The following TENT4B variants were observed in gnomAD, a reference collection of about 807,000 sequenced individuals.
TENT4B encodes the protein PAP associated domain containing 5.
TENT4B carries 10 observed loss-of-function variants against 75.0 expected under a neutral mutation model. The observed-to-expected ratio is 0.13, with a 90% CI of 0.08 to 0.23. The LOEUF (loss-of-function observed/expected upper bound fraction) is 0.23, where lower values mean the gene tolerates loss of function less well. Among genes scored for constraint, TENT4B ranks in the 10% least tolerant of loss-of-function variants. The pLI, the probability that TENT4B is intolerant of heterozygous loss-of-function variation, is 1.00. For missense variants in TENT4B, 579 were observed against 893.8 expected (o/e 0.65, Z 4.49); for synonymous variants, 350 against 357.7 (o/e 0.98, Z 0.24).
intron 10 of TENT4B, 38 bp from the exon 11 acceptor site, chr16:50,227,801 C>G (rs1418210383): frequency 6.3e-7 from 1 of 1,599,860 alleles, no homozygotes; most frequent in South Asian, 1.1e-5. Flanking sequence ...ATCTAAATTA[C>G]TAATATGTCA....
rs111797270 is a variant in TENT4B at position 50,153,985 on chromosome 16, G to A, written c.364G>A (p.Ala122Thr). The A allele has an allele frequency of 0.045, 68,840 of 1,533,888 alleles. 1,781 individuals are homozygous for A. Among genetic ancestry groups the A allele is most frequent in the Non-Finnish European group, 0.053 (60,463 of 1,146,024 alleles). The change falls in exon 1 of 12, where the codon GCC becomes ACC. Residue 122 changes from alanine (A) to threonine (T), a missense_variant. Transcript: ENST00000561678. The part of the protein sequence containing the change: ...NNNHHQPGAW[A>T]RRAGSSASSP... ...CAACCACCACCAGCCCGGGGCCTGG[G>A]CCCGCCGGGCGGGCTCCTCGGCGTC...
intron 1 of TENT4B, among the ~76,000 whole-genome samples, chr16:50,205,689 C>T (rs1358407228): frequency 1.4e-5 from 2 of 144,522 alleles, no homozygotes; most frequent in African/African-American, 2.6e-5. Flanking sequence ...CTCCTGGGTT[C>T]AAGTGATTCT....
At chr16:50,228,231 G>T (rs1057029689) in intron 11 of TENT4B, among the ~76,000 whole-genome samples, 2 of 152,142 alleles carry the variant, frequency 1.3e-5, no homozygotes, top group African/African-American at 4.8e-5. Context: ...TCTATTGACT[G>T]GTCCTTATAA....
At chr16:50,205,471 A>G (rs1375790700) in intron 1 of TENT4B, among the ~76,000 whole-genome samples, 6 of 150,162 alleles carry the variant, frequency 4.0e-5, no homozygotes, top group Non-Finnish European at 7.4e-5. Flanking sequence ...CTAAGGTAAT[A>G]TCTGTTAACA....
intron 1 of TENT4B, among the ~76,000 whole-genome samples, chr16:50,201,813 A>C (rs11642755): frequency 0.74 from 110,574 of 148,708 alleles, 41,789 homozygotes; most frequent in Non-Finnish European, 0.8. Context: ...GCCTGGGTGA[A>C]AGAGGGATAC....
At position 50,231,319 on chromosome 16, in the gene TENT4B, A is replaced by G. The variant is rs530379235; in HGVS notation, c.*1991A>G. ...ATCACAGTATTTATTTTCTAGGACA[A>G]TTGTGAATGTGTAGACTTATGTTTA... On this transcript the variant is annotated 3_prime_UTR_variant, in exon 12 of 12. Coordinates refer to ENST00000561678, the MANE Select transcript of TENT4B (RefSeq NM_001365324.3). 490 of 983,238 alleles carry G rather than the reference A, an allele frequency of 5.0e-4. 1 individual carries two copies. The highest frequency in any genetic ancestry group is 2.4e-3 in the Admixed American group (39 of 16,278). 60.9% of individuals were successfully genotyped at this position (983,238 alleles called of 1,614,324 possible). A position where few individuals can be genotyped will look rare whatever the true frequency, so the allele number is the denominator to read the frequency against.
intron 1 of TENT4B, among the ~76,000 whole-genome samples, chr16:50,203,702 C>T (rs17286761): frequency 0.035 from 5,348 of 152,170 alleles, 118 homozygotes; most frequent in Middle Eastern, 0.044. Context: ...GATTCTGGTT[C>T]GGAGCTCATT....
intron 11 of TENT4B, among the ~76,000 whole-genome samples, chr16:50,228,918 G>T (rs754594748): frequency 6.6e-6 from 1 of 152,160 alleles, no homozygotes; most frequent in Non-Finnish European, 1.5e-5. Flanking sequence ...TGTTAAGAAG[G>T]CGGGCGAGTG....
chr16:50,192,138 A>G (rs556673829), intron 1 of TENT4B, among the ~76,000 whole-genome samples: 1 of 151,242 alleles, frequency 6.6e-6, no homozygotes, highest in African/African-American at 2.4e-5. Context: ...GCTACTCAGG[A>G]GGCTGAGGCT....
At chr16:50,214,952 T>TA (rs1208039927) in intron 3 of TENT4B, among the ~76,000 whole-genome samples, 1 of 152,308 alleles carries the variant, frequency 6.6e-6, no homozygotes, top group East Asian at 1.9e-4. Flanking sequence ...CACTCACTCT[T>TA]ACACTCACCC....
chr16:50,196,104 T>C (rs1198974780), intron 1 of TENT4B, among the ~76,000 whole-genome samples: 1 of 152,204 alleles, frequency 6.6e-6, no homozygotes, highest in Non-Finnish European at 1.5e-5. Context: ...AGGTGGTAAA[T>C]GCAACATATG....
At position 50,234,580 on chromosome 16, in the gene TENT4B, T is replaced by G. The variant is rs1048217011; in HGVS notation, c.*5252T>G. On this transcript the variant is annotated 3_prime_UTR_variant, in exon 12 of 12. Coordinates refer to ENST00000561678, the MANE Select transcript of TENT4B (RefSeq NM_001365324.3). ...TATGTTGTTTTGTCCCTGAACTTAA[T>G]CTCCTAATTTTAAGATCCTCTCTGA... 2.0e-6 allele frequency: 2 copies of G among 982,812 alleles called. No individual in the cohort carries two copies. The highest frequency in any genetic ancestry group is 3.5e-5 in the African/African-American group (2 of 57,192). 60.9% of individuals were successfully genotyped at this position (982,812 alleles called of 1,614,324 possible). A position where few individuals can be genotyped will look rare whatever the true frequency, so the allele number is the denominator to read the frequency against.
At chr16:50,228,991 T>C (rs2032177843) in intron 11 of TENT4B, among the ~76,000 whole-genome samples, 161 bp from the exon 12 acceptor site, 1 of 152,206 alleles carries the variant, frequency 6.6e-6, no homozygotes. Flanking sequence ...AAAGAACCCC[T>C]GTAACAGCTT....
chr16:50,165,058 A>T (rs927326418), intron 1 of TENT4B, among the ~76,000 whole-genome samples: 14 of 148,364 alleles, frequency 9.4e-5, no homozygotes, highest in South Asian at 6.4e-4. Context: ...CGTCTGAAAA[A>T]TTTTTTTTTT....
At chr16:50,213,346 A>C (rs1342056396) in intron 2 of TENT4B, among the ~76,000 whole-genome samples, 1 of 152,220 alleles carries the variant, frequency 6.6e-6, no homozygotes, top group Non-Finnish European at 1.5e-5. Context: ...GGCGTGAGCC[A>C]CTGTGCCCGG....
At chr16:50,219,078 T>C (rs953261781) in intron 5 of TENT4B, among the ~76,000 whole-genome samples, 1 of 152,152 alleles carries the variant, frequency 6.6e-6, no homozygotes, top group Non-Finnish European at 1.5e-5. Context: ...TTATCCATAA[T>C]CGCACTATAT....
At chr16:50,178,990 T>C (rs925943426) in intron 1 of TENT4B, among the ~76,000 whole-genome samples, 1 of 152,184 alleles carries the variant, frequency 6.6e-6, no homozygotes, top group Non-Finnish European at 1.5e-5. Context: ...TTTACAACAA[T>C]TTTTACAGAT....
At chr16:50,211,480 C>T (rs757449288) in intron 2 of TENT4B, 34 bp downstream of exon 2, 28 of 1,527,426 alleles carry the variant, frequency 1.8e-5, no homozygotes, top group Non-Finnish European at 2.4e-5. Context: ...ATGCTTCGGA[C>T]AGTCCTTGTC....
At chr16:50,173,806 G>A (rs149850945) in intron 1 of TENT4B, among the ~76,000 whole-genome samples, 33 of 152,152 alleles carry the variant, frequency 2.2e-4, no homozygotes, top group African/African-American at 8.0e-4. Context: ...TGATTCTCCT[G>A]CCTCAGCTCC....
Sources: allele counts gnomAD v4.1 joint callset (sites outside exome capture counted in the v4.1 genomes callset), GRCh38; gene constraint gnomAD v4.1.1; transcripts MANE v1.5; gene names NCBI Gene and HGNC (gene_info 2026-07-23, HGNC 2026-07-21).